TRAK1: variants seen among roughly 807,000 people sequenced by gnomAD.
TRAK1 encodes the protein trafficking kinesin protein 1.
Under a neutral mutation model 92.1 loss-of-function variants are expected in TRAK1, and 33 were observed. The observed-to-expected ratio is 0.36, with a 90% CI of 0.27 to 0.48. The LOEUF (loss-of-function observed/expected upper bound fraction) is 0.48, where lower values mean the gene tolerates loss of function less well. Among genes scored for constraint, TRAK1 ranks in the 20% least tolerant of loss-of-function variants. TRAK1 has a pLI of 0.99. For missense variants in TRAK1, 1,123 were observed against 1,257.9 expected, an observed-to-expected ratio of 0.89 and a Z score of 1.62; for synonymous variants, 521 against 517.3, an observed-to-expected ratio of 1.01 and a Z score of -0.10.
intron 1 of TRAK1, among the ~76,000 whole-genome samples, chr3:42,110,870 A>C (rs1202061532): frequency 6.6e-6 from 1 of 152,186 alleles, no homozygotes; most frequent in African/African-American, 2.4e-5. Flanking sequence ...GAAGAACCAG[A>C]TGGCTGCTCA....
At chr3:42,015,536 C>T (rs13084921) in intron 1 of TRAK1, among the ~76,000 whole-genome samples, 1 of 152,114 alleles carries the variant, frequency 6.6e-6, no homozygotes, top group East Asian at 1.9e-4. Context: ...ACCTCTCTGT[C>T]CTGCTCTCCC....
chr3:42,019,460 A>G (rs1156404862), intron 1 of TRAK1, among the ~76,000 whole-genome samples: 1 of 151,996 alleles, frequency 6.6e-6, no homozygotes, highest in Non-Finnish European at 1.5e-5. Flanking sequence ...ATTTTTTTGT[A>G]GAGGTGAGGT....
upstream of TRAK1, among the ~76,000 whole-genome samples, chr3:42,085,282 C>T (rs1704617814): frequency 6.6e-6 from 1 of 152,212 alleles, no homozygotes; most frequent in East Asian, 1.9e-4. Flanking sequence ...ATTCTCCTGC[C>T]TCAGCCTCCT....
chr3:42,090,981 G>T, upstream of TRAK1: 1 of 154,932 alleles, frequency 6.5e-6, no homozygotes, highest in Non-Finnish European at 1.4e-5. Flanking sequence ...AGTTCTCCGA[G>T]AGACCTAGAC....
chr3:42,060,351 T>G lies in TRAK1; in HGVS notation c.-518-26753T>G, dbSNP rs867075765. ...CACCACGGTGGGGGGTGGGGGGTGG[T>G]GGTGGGTGAGGGCGGGTGGTAAAGG... On this transcript the variant is annotated intron_variant, in intron 1 of 16. Coordinates refer to the TRAK1 transcript ENST00000487159. Among the ~76,000 whole-genome samples the G allele has an allele frequency of 2.6e-3, 106 of 41,078 alleles. 1 individual carries two copies. Among genetic ancestry groups the G allele is most frequent in the Middle Eastern group, 0.019 (3 of 160 alleles). The allele number at this position is 41,078 out of a possible 152,430, so 26.9% of individuals were successfully genotyped here.
chr3:42,089,150 A>G (rs1192194379), upstream of TRAK1, among the ~76,000 whole-genome samples: 2 of 152,172 alleles, frequency 1.3e-5, no homozygotes, highest in Non-Finnish European at 2.9e-5. Flanking sequence ...TGCTTTCATT[A>G]TTCTAGTTGC....
chr3:42,074,267 C>T (rs1704055274), intron 1 of TRAK1, among the ~76,000 whole-genome samples: 2 of 152,284 alleles, frequency 1.3e-5, no homozygotes, highest in South Asian at 4.1e-4. Flanking sequence ...CAGGGTCATG[C>T]ATGTTAATTA....
intron 2 of TRAK1, chr3:42,146,378 A>G (rs1699331604): frequency 3.9e-6 from 1 of 253,670 alleles, no homozygotes; most frequent in South Asian, 6.4e-5. Flanking sequence ...CCATAGTTTC[A>G]TAGACACCAT....
At chr3:42,212,394 T>C (rs1177687511) in intron 14 of TRAK1, 7 of 985,424 alleles carry the variant, frequency 7.1e-6, no homozygotes, top group Non-Finnish European at 8.4e-6. Context: ...GCAGCTGGTA[T>C]GATAGAAGGA....
upstream of TRAK1, among the ~76,000 whole-genome samples, chr3:42,086,639 A>T (rs1704693680): frequency 6.6e-6 from 1 of 152,052 alleles, no homozygotes. Context: ...TTCTTAAAGG[A>T]GTCCCCTAAT....
At chr3:42,095,864 G>A (rs1269972890) in intron 1 of TRAK1, among the ~76,000 whole-genome samples, 1 of 152,216 alleles carries the variant, frequency 6.6e-6, no homozygotes, top group Non-Finnish European at 1.5e-5. Flanking sequence ...AGGTGGTTAG[G>A]TCACAGGGGC....
intron 1 of TRAK1, among the ~76,000 whole-genome samples, chr3:42,058,057 CT>C (rs1238645954): frequency 6.6e-6 from 1 of 152,138 alleles, no homozygotes; most frequent in Non-Finnish European, 1.5e-5. Context: ...TTTTTGCCAC[CT>C]TTAAGCTCTT....
At chr3:42,152,147 T>C (rs980425136) in intron 2 of TRAK1, among the ~76,000 whole-genome samples, 1 of 152,186 alleles carries the variant, frequency 6.6e-6, no homozygotes, top group Non-Finnish European at 1.5e-5. Flanking sequence ...ATTCCTCCTG[T>C]TTATTAATGT....
At chr3:42,190,020 G>A (rs1705465119) in intron 6 of TRAK1, among the ~76,000 whole-genome samples, 1 of 152,090 alleles carries the variant, frequency 6.6e-6, no homozygotes. Context: ...GCCCCAGGCT[G>A]CTAGGTGTTT....
chr3:42,139,953 A>C (rs557676315), intron 2 of TRAK1, among the ~76,000 whole-genome samples: 1 of 152,136 alleles, frequency 6.6e-6, no homozygotes, highest in African/African-American at 2.4e-5. Flanking sequence ...TGCTGGACAT[A>C]GGTGTGAGAT....
intron 2 of TRAK1, chr3:42,151,290 G>T (rs1280502843): frequency 2.2e-6 from 1 of 454,686 alleles, no homozygotes. Context: ...GTGAGCGGAG[G>T]CCTGCTCTTA....
upstream of TRAK1, among the ~76,000 whole-genome samples, chr3:42,089,675 A>T (rs367721114): frequency 7.5e-6 from 1 of 132,844 alleles, no homozygotes; most frequent in Non-Finnish European, 1.6e-5. Flanking sequence ...GCTTTTTGTG[A>T]CCCCCCCCCA....
Position 42,209,962 on chromosome 3 carries a change from C to T in TRAK1, c.1940C>T (p.Pro647Leu). Residue 647 changes from proline (P) to leucine (L), a missense_variant, in exon 14 of 16, where the codon CCA (proline) becomes CTA (leucine). Around this residue, in one of 3 missense-constraint regions of TRAK1, gnomAD observed 401 missense variants for 438.9 expected, o/e 0.91. Transcript: ENST00000327628. ...CTCCCACGCCTAGCTACCTCCACTC[C>T]AGTTCAGCACCCAGAGACCTCAGGT... The part of the protein sequence containing the change: ...ISLPRLATST[P>L]VQHPETSAHH... 1 of 1,614,212 alleles carries T rather than the reference C, an allele frequency of 6.2e-7. No homozygotes were observed. Among genetic ancestry groups the T allele is most frequent in the Non-Finnish European group, 8.5e-7 (1 of 1,180,040 alleles).
At chr3:42,192,446 C>CCAAG (rs1705927529) in intron 7 of TRAK1, among the ~76,000 whole-genome samples, 1 of 152,164 alleles carries the variant, frequency 6.6e-6, no homozygotes, top group African/African-American at 2.4e-5. Flanking sequence ...CGTCAAAGTA[C>CCAAG]TAAGTATTTT....
Sources: gnomAD v4.1 joint callset for allele counts (sites outside exome capture counted in the v4.1 genomes callset) on GRCh38, gnomAD v4.1.1 for gene constraint, gnomAD v4.1.1 regional missense constraint, MANE v1.5 for transcripts, NCBI Gene and HGNC (gene_info 2026-07-23, HGNC 2026-07-21) for gene names.